The following ATP2B2 variants were observed in gnomAD, a reference collection of about 807,000 sequenced individuals.
ATP2B2 encodes the protein plasma membrane calcium-transporting ATPase 2.
ATP2B2 carries 15 observed loss-of-function variants against 120.0 expected under a neutral mutation model. The observed-to-expected ratio is 0.12, with a 90% CI of 0.08 to 0.19. The LOEUF is 0.19. Among genes scored for constraint, ATP2B2 ranks in the 10% least tolerant of loss-of-function variants. The probability of loss-of-function intolerance (pLI) is 1.00; values close to 1 mark genes in which losing one functional copy is unlikely to be tolerated. For missense variants in ATP2B2, 1,045 were observed against 1,719.8 expected (o/e 0.61, Z 6.94); for synonymous variants, 694 against 700.3 (o/e 0.99, Z 0.14).
chr3:10,705,726 C>T (rs1643486745), intron 1 of ATP2B2, among the ~76,000 whole-genome samples: 2 of 152,334 alleles, frequency 1.3e-5, no homozygotes, highest in Admixed American at 1.3e-4. Flanking sequence ...AAAAGCGCTT[C>T]GTACACAGCC....
chr3:10,361,480 A>T (rs751360473), intron 12 of ATP2B2, among the ~76,000 whole-genome samples: 3 of 152,096 alleles, frequency 2.0e-5, no homozygotes, highest in Non-Finnish European at 4.4e-5. Context: ...TTCACACATT[A>T]GACACACAGT....
At position 10,400,925 on chromosome 3, in the gene ATP2B2, A is replaced by G. The variant is rs369962223; in HGVS notation, c.781+28T>C. Reference sequence around the variant, plus strand: ...GCATCCCCTGTGCATGGCGACGGGAATGGGCCCAACATCAGGCTGAAGCTC... The same window carrying G: ...GCATCCCCTGTGCATGGCGACGGGAGTGGGCCCAACATCAGGCTGAAGCTC... On this transcript the variant is annotated intron_variant, in intron 5 of 22. Coordinates refer to ENST00000360273, the MANE Select transcript of ATP2B2 (RefSeq NM_001001331.4). 3 of 1,603,120 alleles carry G rather than the reference A, an allele frequency of 1.9e-6. No individual in the cohort carries two copies. The African/African-American group carries it at 4.0e-5, about 21-fold the overall frequency.
chr3:10,397,126 T>G (rs887928237), intron 5 of ATP2B2, among the ~76,000 whole-genome samples: 1 of 152,184 alleles, frequency 6.6e-6, no homozygotes, highest in Non-Finnish European at 1.5e-5. Flanking sequence ...CCTGTTCAGC[T>G]CAGCCTGACA....
chr3:10,576,800 C>T lies in ATP2B2; in HGVS notation c.-414-42667G>A, dbSNP rs983344293. 3.3e-5 allele frequency among the ~76,000 whole-genome samples: 5 copies of T among 152,086 alleles called. No individual in the cohort carries two copies. The East Asian group carries it at 5.8e-4, about 18-fold the overall frequency. Reference sequence around the variant, plus strand: ...GAAGCTGGGGCCGGGCGCGGTGGCTCACGTCTGTAATCCCAGCACTTTGGG... The same window carrying T: ...GAAGCTGGGGCCGGGCGCGGTGGCTTACGTCTGTAATCCCAGCACTTTGGG... On this transcript the variant is annotated intron_variant, in intron 2 of 21. Transcript: ENST00000646379.
chr3:10,669,872 T>C (rs1166922060), intron 1 of ATP2B2, among the ~76,000 whole-genome samples: 3 of 152,118 alleles, frequency 2.0e-5, no homozygotes, highest in Non-Finnish European at 4.4e-5. Flanking sequence ...GTCAGTCCAG[T>C]TGGGAGAGAT....
rs1202436951 is a variant in ATP2B2 at position 10,328,186 on chromosome 3, G to T, written c.*628C>A. On this transcript the variant is annotated 3_prime_UTR_variant, in exon 23 of 23. Transcript: ENST00000360273. ...ATACAGTCTCGGAAAAGTATACGTT[G>T]ATATAGATACAAAGAAATGGATATA... 1.3e-5 allele frequency: 2 copies of T among 151,810 alleles called. No individual in the cohort carries two copies. Among genetic ancestry groups the T allele is most frequent in the South Asian group, 4.2e-4 (2 of 4,778 alleles). The allele number at this position is 151,810 out of a possible 1,614,324, so 9.4% of individuals were successfully genotyped here.
At chr3:10,440,396 C>T (rs1043388385) in intron 2 of ATP2B2, among the ~76,000 whole-genome samples, 2 of 152,196 alleles carry the variant, frequency 1.3e-5, no homozygotes, top group African/African-American at 4.8e-5. Flanking sequence ...CACTATTATC[C>T]AACCTGACAG....
chr3:10,348,523 C>G (rs1450846898), intron 16 of ATP2B2, among the ~76,000 whole-genome samples: 1 of 152,224 alleles, frequency 6.6e-6, no homozygotes, highest in African/African-American at 2.4e-5. Flanking sequence ...CTGCTCCAGT[C>G]TCCTGTAGCT....
At chr3:10,506,093 GC>G (rs2125424464), upstream of ATP2B2, among the ~76,000 whole-genome samples, 1 of 152,198 alleles carries the variant, frequency 6.6e-6, no homozygotes, top group South Asian at 2.1e-4. Context: ...CCCCCTCTTT[GC>G]AGTCAAGGCA....
chr3:10,614,336 C>T (rs900717894), intron 2 of ATP2B2, among the ~76,000 whole-genome samples: 18 of 151,784 alleles, frequency 1.2e-4, no homozygotes, highest in Admixed American at 1.2e-3. Flanking sequence ...TCTGGTACCT[C>T]CTGGAACGTT....
intron 3 of ATP2B2, 122 bp downstream of exon 3, chr3:10,410,496 C>T: frequency 7.7e-7 from 1 of 1,292,500 alleles, no homozygotes; most frequent in Non-Finnish European, 1.1e-6. Context: ...GGGCCCTGCC[C>T]CTTGGACCTC....
In ATP2B2 at chr3:10,344,075, C is replaced by T. The variant is rs914792202; in HGVS notation, c.2704-1110G>A. On this transcript the variant is annotated intron_variant, in intron 18 of 22. Transcript: ENST00000360273. ...ACAGCCCCTGCTCCTGGCTTTCTCT[C>T]TCACCTCCTCCTTGCCTCAGCCTCG... Among the ~76,000 whole-genome samples the T allele has an allele frequency of 9.9e-5, 15 of 152,134 alleles. No individual in the cohort carries two copies. The East Asian group carries it at 2.9e-3, about 29-fold the overall frequency.
intron 2 of ATP2B2, among the ~76,000 whole-genome samples, chr3:10,582,929 G>A (rs527519194): frequency 2.6e-5 from 4 of 152,346 alleles, no homozygotes; most frequent in East Asian, 3.9e-4. Flanking sequence ...TCCTGGCACC[G>A]TGCTCAGCAC....
intron 2 of ATP2B2, among the ~76,000 whole-genome samples, chr3:10,411,616 C>A (rs971948627): frequency 2.6e-5 from 4 of 152,220 alleles, no homozygotes; most frequent in African/African-American, 9.7e-5. Context: ...TGTACTTAAC[C>A]CATGGGTGGT....
At chr3:10,456,501 C>T (rs2064266123) in intron 1 of ATP2B2, among the ~76,000 whole-genome samples, 1 of 152,204 alleles carries the variant, frequency 6.6e-6, no homozygotes, top group South Asian at 2.1e-4. Flanking sequence ...TACAGCCTAC[C>T]TCACAGGGTT....
At chr3:10,592,968 T>C (rs968326192) in intron 2 of ATP2B2, among the ~76,000 whole-genome samples, 5 of 152,080 alleles carry the variant, frequency 3.3e-5, no homozygotes, top group Non-Finnish European at 5.9e-5. Flanking sequence ...GTAATTTTTG[T>C]AGAGATGAGG....
intron 1 of ATP2B2, among the ~76,000 whole-genome samples, chr3:10,625,221 T>C (rs2069662689): frequency 6.6e-6 from 1 of 152,224 alleles, no homozygotes; most frequent in Admixed American, 6.5e-5. Context: ...ACTTAAGGCA[T>C]TGGCCTAGCT....
rs79720649 is a variant in ATP2B2 at position 10,545,136 on chromosome 3, G to C, written c.-414-11003C>G. ...CAGTAGAAGAAAGTCGGAAAGAAGCGAGTCTCAGAAGATTACATACTGTAT... is the reference window on the plus strand; with the variant it reads ...CAGTAGAAGAAAGTCGGAAAGAAGCCAGTCTCAGAAGATTACATACTGTAT... On this transcript the variant is annotated intron_variant, in intron 2 of 21. Coordinates refer to the ATP2B2 transcript ENST00000646379. Among the ~76,000 whole-genome samples, 597 of 152,318 alleles carry C rather than the reference G, an allele frequency of 3.9e-3. 2 individuals carry two copies. The highest frequency in any genetic ancestry group is 0.014 in the African/African-American group (571 of 41,560).
At chr3:10,388,867 G>A (rs1441656621) in intron 5 of ATP2B2, among the ~76,000 whole-genome samples, 1 of 152,208 alleles carries the variant, frequency 6.6e-6, no homozygotes, top group Non-Finnish European at 1.5e-5. Flanking sequence ...AAGTGGTTAT[G>A]CAACTGCTTG....
Sources: allele counts gnomAD v4.1 joint callset (sites outside exome capture counted in the v4.1 genomes callset), GRCh38; gene constraint gnomAD v4.1.1; transcripts MANE v1.5; gene names NCBI Gene and HGNC (gene_info 2026-07-23, HGNC 2026-07-21).